ARMC2: variants seen among roughly 807,000 people sequenced by gnomAD.
The protein encoded by ARMC2 is armadillo repeat-containing protein 2.
A neutral mutation model predicts 90.3 loss-of-function variants in ARMC2; 67 were observed. The observed-to-expected ratio is 0.74, with a 90% CI of 0.61 to 0.91. The LOEUF (loss-of-function observed/expected upper bound fraction) is 0.91, where lower values mean the gene tolerates loss of function less well. Among genes scored for constraint, ARMC2 ranks in the 40% least tolerant of loss-of-function variants. The pLI is 0.00. For missense variants in ARMC2, 920 were observed against 1,030.9 expected (o/e 0.89, Z 1.47); for synonymous variants, 393 against 393.0 (o/e 1.00, Z 0.00).
intron 16 of ARMC2, among the ~76,000 whole-genome samples, chr6:108,964,607 C>T (rs1455731240): frequency 6.6e-6 from 1 of 152,116 alleles, no homozygotes; most frequent in Non-Finnish European, 1.5e-5. Context: ...AACCCTGTCT[C>T]TACTAAAAAG....
chr6:109,048,818 A>G, the ARMC2 span, among the ~76,000 whole-genome samples: 2 of 152,218 alleles, frequency 1.3e-5, no homozygotes, highest in South Asian at 2.1e-4. Flanking sequence ...AATTTATTCT[A>G]TGTGTTCCTG....
intron 10 of ARMC2, among the ~76,000 whole-genome samples, chr6:108,918,366 C>T (rs1326706382): frequency 2.6e-5 from 4 of 152,034 alleles, no homozygotes; most frequent in Non-Finnish European, 5.9e-5. Context: ...AATAGGCGAG[C>T]GAGGGGTGTG....
At chr6:109,004,353 T>C in the ARMC2 span, among the ~76,000 whole-genome samples, 3 of 151,678 alleles carry the variant, frequency 2.0e-5, no homozygotes, top group Admixed American at 6.6e-5. Context: ...AACAGAAAGC[T>C]AGGAATTATA....
the ARMC2 span, among the ~76,000 whole-genome samples, chr6:109,024,952 G>GCC: frequency 6.6e-6 from 1 of 152,188 alleles, no homozygotes; most frequent in African/African-American, 2.4e-5. Context: ...CAAAGTAACA[G>GCC]AAATCCTCAG....
the ARMC2 span, among the ~76,000 whole-genome samples, chr6:109,039,011 G>A: frequency 6.8e-6 from 1 of 147,434 alleles, no homozygotes; most frequent in Non-Finnish European, 1.5e-5. Flanking sequence ...AAAGAAGAAA[G>A]AGAAAGAAAG....
intron 7 of ARMC2, among the ~76,000 whole-genome samples, chr6:108,900,215 A>G (rs972696951): frequency 3.3e-5 from 5 of 152,190 alleles, no homozygotes; most frequent in Non-Finnish European, 7.3e-5. Flanking sequence ...CCTTGGTCCA[A>G]CTGGTATCTG....
the ARMC2 span, among the ~76,000 whole-genome samples, chr6:109,025,626 G>A: frequency 6.6e-6 from 1 of 150,472 alleles, no homozygotes; most frequent in Non-Finnish European, 1.5e-5. Context: ...TGAGAAACAG[G>A]AAACTATCAA....
Position 108,854,340 on chromosome 6 carries a change from A to C in ARMC2, c.73A>C (p.Thr25Pro). 1.2e-6 allele frequency: 2 copies of C among 1,612,890 alleles called. No individual in the cohort carries two copies. Among genetic ancestry groups the C allele is most frequent in the Non-Finnish European group, 1.7e-6 (2 of 1,179,664 alleles). ...TCAACCTTCAGTGTCCAAGCAGAAG[A>C]CCAGTGCAGAAATCATAAGTGAAGC... is the stretch of plus-strand genomic sequence containing the variant. ...FYQPSVSKQKTSAEIISEARN... is the reference protein window; with the variant it reads ...FYQPSVSKQKPSAEIISEARN... Residue 25 changes from threonine (T) to proline (P), a missense_variant, in exon 2 of 18, where the codon ACC becomes CCC. Transcript: ENST00000392644.
the ARMC2 span, chr6:108,988,393 T>A: frequency 6.6e-6 from 4 of 610,226 alleles, no homozygotes; most frequent in East Asian, 1.2e-4. Context: ...CAGGTTCCCT[T>A]CTGAAGGGGT....
downstream of ARMC2, chr6:108,974,480 T>A (rs932232803): frequency 2.6e-5 from 4 of 152,136 alleles, no homozygotes; most frequent in African/African-American, 9.7e-5. Flanking sequence ...AGCAAAAGAT[T>A]GAGATTACTA....
At chr6:108,968,678 A>G (rs6935782) in intron 17 of ARMC2, among the ~76,000 whole-genome samples, 28,059 of 152,030 alleles carry the variant, frequency 0.18, 3,098 homozygotes, top group African/African-American at 0.3. Flanking sequence ...TCTTTTACAA[A>G]GATAGCTAAA....
At chr6:108,900,009 A>G (rs1055921549) in intron 7 of ARMC2, among the ~76,000 whole-genome samples, 1 of 152,212 alleles carries the variant, frequency 6.6e-6, no homozygotes, top group Non-Finnish European at 1.5e-5. Flanking sequence ...TATGCTTTAA[A>G]TGCACCAAGA....
chr6:109,049,822 A>T, the ARMC2 span, among the ~76,000 whole-genome samples: 1 of 151,794 alleles, frequency 6.6e-6, no homozygotes, highest in Non-Finnish European at 1.5e-5. Context: ...TTACCAAAAT[A>T]CCCTCTTTAA....
At chr6:109,009,315 C>A in the ARMC2 span, 1 of 1,444,176 alleles carries the variant, frequency 6.9e-7, no homozygotes, top group South Asian at 1.3e-5. Context: ...GGGTGCCCAC[C>A]CGCCCAGGTA....
At chr6:108,857,350 T>C (rs953779565) in intron 2 of ARMC2, among the ~76,000 whole-genome samples, 1 of 152,212 alleles carries the variant, frequency 6.6e-6, no homozygotes, top group African/African-American at 2.4e-5. Flanking sequence ...GTGTTTTCAT[T>C]TCAGTTTCCA....
At chr6:108,998,801 G>T in the ARMC2 span, 1 of 1,561,218 alleles carries the variant, frequency 6.4e-7, no homozygotes, top group South Asian at 1.2e-5. Context: ...CTGGGGTGTG[G>T]TAAAAGTATA....
At chr6:108,977,426 C>T (rs1328385281), downstream of ARMC2, among the ~76,000 whole-genome samples, 2 of 152,042 alleles carry the variant, frequency 1.3e-5, no homozygotes, top group Non-Finnish European at 2.9e-5. Flanking sequence ...ATTTTCGCAT[C>T]GATGTTCATC....
intron 9 of ARMC2, among the ~76,000 whole-genome samples, chr6:108,911,327 T>A (rs1219292968): frequency 1.3e-5 from 2 of 152,166 alleles, no homozygotes; most frequent in Non-Finnish European, 2.9e-5. Context: ...TAGTTGAAAA[T>A]TTTAGTCTTT....
chr6:108,888,181 G>A (rs1232051620), intron 5 of ARMC2, among the ~76,000 whole-genome samples: 3 of 152,178 alleles, frequency 2.0e-5, no homozygotes, highest in Admixed American at 1.3e-4. Flanking sequence ...ATTTGAAACC[G>A]CATCATGTGA....
Sources: gnomAD v4.1 joint callset for allele counts (sites outside exome capture counted in the v4.1 genomes callset) on GRCh38, gnomAD v4.1.1 for gene constraint, MANE v1.5 for transcripts, NCBI Gene and HGNC (gene_info 2026-07-23, HGNC 2026-07-21) for gene names.